CRACR2A: variants seen among roughly 807,000 people sequenced by gnomAD.
The protein encoded by CRACR2A is calcium release activated channel regulator 2A, also known as EF-hand calcium-binding domain-containing protein 4B.
A neutral mutation model predicts 90.5 loss-of-function variants in CRACR2A; 79 were observed. The ratio of observed to expected loss-of-function variants is 0.87; its 90% CI spans 0.73 to 1.05. The LOEUF is 1.05. CRACR2A is among the 50% of genes least tolerant of loss of function. The pLI is 0.00. For synonymous variants in CRACR2A, 338 were observed against 356.7 expected (o/e 0.95, Z 0.59); for missense variants, 823 against 897.2 (o/e 0.92, Z 1.06).
intron 3 of CRACR2A, among the ~76,000 whole-genome samples, chr12:3,709,187 C>T (rs534103381): frequency 2.0e-5 from 3 of 152,314 alleles, no homozygotes; most frequent in Admixed American, 6.5e-5. Context: ...ACTCTCAGAG[C>T]GGTCCCCAAA....
chr12:3,694,340 C>T (rs1227763987), intron 4 of CRACR2A, among the ~76,000 whole-genome samples: 2 of 152,250 alleles, frequency 1.3e-5, no homozygotes, highest in Non-Finnish European at 2.9e-5. Context: ...CTCCCTCCCA[C>T]ATGGCCTGCA....
intron 10 of CRACR2A, among the ~76,000 whole-genome samples, chr12:3,648,838 G>T (rs976811862): frequency 6.6e-6 from 1 of 152,190 alleles, no homozygotes; most frequent in African/African-American, 2.4e-5. Context: ...GACCATCAAA[G>T]AAGTCTGCTA....
At chr12:3,630,146 A>T (rs1385363379) in intron 15 of CRACR2A, among the ~76,000 whole-genome samples, 1 of 152,050 alleles carries the variant, frequency 6.6e-6, no homozygotes, top group African/African-American at 2.4e-5. Context: ...GAAGGGGCTA[A>T]GTTGGATGCT....
intron 12 of CRACR2A, among the ~76,000 whole-genome samples, chr12:3,643,856 T>TATATATAAATATATATAATATATATAA (rs1478137267): frequency 1.5e-5 from 1 of 67,354 alleles, no homozygotes; most frequent in African/African-American, 6.8e-5. Context: ...TATTATATAT[T>TATATATAAATATATATAATATATATAA]TATATTATAT....
intron 1 of CRACR2A, among the ~76,000 whole-genome samples, chr12:3,752,356 GGACACACACACACA>G (rs1265352856): frequency 0.011 from 266 of 23,226 alleles, 1 homozygote; most frequent in African/African-American, 0.023. Flanking sequence ...ACACACACAC[GGACACACACACACA>G]GACACACACA....
rs761633643 is a variant in CRACR2A at position 3,746,890 on chromosome 12, C to A, written c.-387+6125G>T. The stretch of plus-strand genomic sequence containing the variant: ...ACACCCTTAGCATGGAACTCAACCA[C>A]AAGCTCTCAAAACAGGTAATGTCAC... On this transcript the variant is annotated intron_variant, in intron 1 of 19. Transcript: ENST00000440314. The surrounding 1 kb of genome is among the most constrained non-coding windows in gnomAD (Gnocchi z 4.4). Among the ~76,000 whole-genome samples, 3 of 152,262 alleles carry A rather than the reference C, an allele frequency of 2.0e-5. No individual in the cohort carries two copies. Among genetic ancestry groups the A allele is most frequent in the Non-Finnish European group, 4.4e-5 (3 of 68,042 alleles).
At chr12:3,669,080 A>G (rs556450720) in intron 7 of CRACR2A, among the ~76,000 whole-genome samples, 1 of 152,334 alleles carries the variant, frequency 6.6e-6, no homozygotes, top group South Asian at 2.1e-4. Context: ...CCTTTGATCT[A>G]GAAAACACTT....
chr12:3,623,972 G>A (rs944290007), intron 17 of CRACR2A, among the ~76,000 whole-genome samples: 1 of 152,196 alleles, frequency 6.6e-6, no homozygotes, highest in African/African-American at 2.4e-5. Flanking sequence ...ATCATACACT[G>A]TAGAAATTTA....
chr12:3,740,568 G>T (rs2137894715), intron 1 of CRACR2A, among the ~76,000 whole-genome samples: 1 of 152,266 alleles, frequency 6.6e-6, no homozygotes, highest in South Asian at 2.1e-4. Context: ...TGCCTCCACA[G>T]TCATAATTTT....
intron 2 of CRACR2A, among the ~76,000 whole-genome samples, chr12:3,725,681 G>C (rs1946252070): frequency 6.6e-6 from 1 of 152,178 alleles, no homozygotes; most frequent in Non-Finnish European, 1.5e-5. Flanking sequence ...AGATCCTCTG[G>C]GGAGATTTTT....
Position 3,638,336 on chromosome 12 carries a change from A to G in CRACR2A, c.1390T>C (p.Tyr464His), listed in dbSNP as rs760222760. The G allele has an allele frequency of 2.6e-5, 41 of 1,551,038 alleles. No individual in the cohort carries two copies. The East Asian group carries it at 7.6e-4, about 29-fold the overall frequency. ...ATGATTCTGCGGAGCGGCCGGGGGT[A>G]CGGACCCCCAGGCCCTGGCTCCCCG... is the stretch of plus-strand genomic sequence containing the variant. ...GTGEPGPGGP[Y>H]PRPLRRIISV... Residue 464 changes from tyrosine to histidine, a missense_variant, in exon 14 of 20, where the codon TAC (tyrosine) becomes CAC (histidine). Coordinates refer to ENST00000440314, the MANE Select transcript of CRACR2A (RefSeq NM_001144958.2).
intron 7 of CRACR2A, among the ~76,000 whole-genome samples, chr12:3,665,054 A>G (rs542065169): frequency 2.9e-4 from 44 of 152,242 alleles, no homozygotes; most frequent in Middle Eastern, 3.4e-3. Context: ...CTCAAATGGT[A>G]TCTATTTAAT....
intron 4 of CRACR2A, among the ~76,000 whole-genome samples, chr12:3,681,957 G>A (rs983226873): frequency 6.6e-6 from 1 of 152,170 alleles, no homozygotes; most frequent in Non-Finnish European, 1.5e-5. Flanking sequence ...GAGAGAGAGT[G>A]TGCAAAGATT....
chr12:3,732,618 G>A (rs1394274829), intron 2 of CRACR2A: 1 of 152,320 alleles, frequency 6.6e-6, no homozygotes, highest in Non-Finnish European at 1.5e-5. Context: ...GGCCAGAATT[G>A]TCTGCCACCC....
At chr12:3,707,027 C>T (rs1382481239) in intron 3 of CRACR2A, among the ~76,000 whole-genome samples, 1 of 152,136 alleles carries the variant, frequency 6.6e-6, no homozygotes, top group Non-Finnish European at 1.5e-5. Context: ...AGAGAAACAA[C>T]CAAGAGGTCC....
chr12:3,734,440 A>C (rs1710584410), intron 1 of CRACR2A, among the ~76,000 whole-genome samples: 1 of 152,204 alleles, frequency 6.6e-6, no homozygotes, highest in African/African-American at 2.4e-5. Flanking sequence ...CAAAAAACTA[A>C]AAATAGAACT....
At chr12:3,752,972 CCGG>C in intron 1 of CRACR2A, 40 bp downstream of exon 1, 1 of 152,504 alleles carries the variant, frequency 6.6e-6, no homozygotes. Context: ...GCGCCGCCCC[CCGG>C]CCGCCCCGGC....
chr12:3,630,016 G>A lies in CRACR2A; in HGVS notation c.1736-2310C>T, dbSNP rs1944351665. 3.3e-5 allele frequency among the ~76,000 whole-genome samples: 5 copies of A among 152,250 alleles called. No homozygotes were observed. The South Asian group carries it at 8.3e-4, about 25-fold the overall frequency. On this transcript the variant is annotated intron_variant, in intron 15 of 19. Coordinates refer to ENST00000440314, the MANE Select transcript of CRACR2A (RefSeq NM_001144958.2). The stretch of plus-strand genomic sequence containing the variant: ...AGGAGTCAGGAGACCCGTGTTGTGC[G>A]TTCCTGTCTCAGCTCTGCCACTGAC...
intron 4 of CRACR2A, among the ~76,000 whole-genome samples, chr12:3,695,818 A>G (rs1212617408): frequency 6.6e-6 from 1 of 152,218 alleles, no homozygotes; most frequent in African/African-American, 2.4e-5. Flanking sequence ...TCTGTATTTT[A>G]TTCACCCATG....
Sources: allele counts gnomAD v4.1 joint callset (sites outside exome capture counted in the v4.1 genomes callset), GRCh38; gene constraint gnomAD v4.1.1; non-coding constraint Gnocchi (gnomAD v3.1); transcripts MANE v1.5; gene names NCBI Gene and HGNC (gene_info 2026-07-23, HGNC 2026-07-21).